DCLK1: variants seen among roughly 807,000 people sequenced by gnomAD.
The protein encoded by DCLK1 is serine/threonine-protein kinase DCLK1.
DCLK1 carries 16 observed loss-of-function variants against 86.2 expected under a neutral mutation model. The observed-to-expected ratio is 0.19, with a 90% CI of 0.13 to 0.28. DCLK1 has a LOEUF of 0.28. Among genes scored for constraint, DCLK1 ranks in the 10% least tolerant of loss-of-function variants. DCLK1 has a pLI of 1.00. For missense variants in DCLK1, 590 were observed against 940.2 expected, an observed-to-expected ratio of 0.63 and a Z score of 4.87; for synonymous variants, 369 against 370.5, an observed-to-expected ratio of 1.00 and a Z score of 0.05.
chr13:35,773,735 C>T lies in DCLK1; in HGVS notation c.*800G>A, dbSNP rs780120326. The stretch of plus-strand genomic sequence containing the variant: ...CACTGAGTAGAGAGACCCTCACTCA[C>T]CAAGCACAAGACAAGCTGTGGTGAC... On this transcript the variant is annotated 3_prime_UTR_variant, in exon 17 of 17. Coordinates refer to ENST00000360631, the MANE Select transcript of DCLK1 (RefSeq NM_001330071.2). 6.6e-6 allele frequency: 1 copy of T among 152,482 alleles called. No individual in the cohort carries two copies. The highest frequency in any genetic ancestry group is 2.4e-5 in the African/African-American group (1 of 41,394). 9.4% of individuals were successfully genotyped at this position (152,482 alleles called of 1,614,324 possible).
chr13:36,080,212 G>A (rs1220712381), intron 3 of DCLK1, among the ~76,000 whole-genome samples: 1 of 152,170 alleles, frequency 6.6e-6, no homozygotes, highest in Non-Finnish European at 1.5e-5. Flanking sequence ...TGAGAAAGGA[G>A]AGCAAGGCCT....
At chr13:36,024,565 G>C (rs1188469736) in intron 3 of DCLK1, among the ~76,000 whole-genome samples, 2 of 152,166 alleles carry the variant, frequency 1.3e-5, no homozygotes, top group African/African-American at 4.8e-5. Context: ...ATAAAACATT[G>C]TTGAAAGAAA....
At chr13:35,875,248 T>C (rs1389762851) in intron 4 of DCLK1, among the ~76,000 whole-genome samples, 1 of 152,208 alleles carries the variant, frequency 6.6e-6, no homozygotes, top group Non-Finnish European at 1.5e-5. Context: ...TTATGAACAT[T>C]CAGAGGTCAC....
intron 10 of DCLK1, among the ~76,000 whole-genome samples, chr13:35,826,556 A>AAGGAGGGAGGGAGGG (rs1868476343): frequency 9.7e-6 from 1 of 103,440 alleles, no homozygotes. Context: ...AGAAAGAAAG[A>AAGGAGGGAGGGAGGG]AAGAAACAAG....
At chr13:36,000,697 C>T (rs905838789) in intron 3 of DCLK1, among the ~76,000 whole-genome samples, 2 of 152,050 alleles carry the variant, frequency 1.3e-5, no homozygotes, top group Non-Finnish European at 2.9e-5. Context: ...CAAGAATAAT[C>T]ACAACCTGTT....
intron 3 of DCLK1, among the ~76,000 whole-genome samples, chr13:35,960,418 G>C (rs933045558): frequency 6.6e-6 from 1 of 152,168 alleles, no homozygotes; most frequent in Non-Finnish European, 1.5e-5. Flanking sequence ...CAGCAATCTG[G>C]GGAAAAGGGG....
At chr13:35,952,076 C>T (rs546440446) in intron 3 of DCLK1, among the ~76,000 whole-genome samples, 45 of 152,204 alleles carry the variant, frequency 3.0e-4, no homozygotes, top group South Asian at 2.9e-3. Context: ...TGAGTTAAGA[C>T]GATGAATCCA....
chr13:35,984,181 T>G (rs923142555), intron 3 of DCLK1, among the ~76,000 whole-genome samples: 1 of 152,230 alleles, frequency 6.6e-6, no homozygotes, highest in African/African-American at 2.4e-5. Flanking sequence ...TTTTGTTTGC[T>G]TGACCCCTAG....
At chr13:35,843,521 T>A (rs1869969476) in intron 6 of DCLK1, among the ~76,000 whole-genome samples, 2 of 152,240 alleles carry the variant, frequency 1.3e-5, no homozygotes, top group South Asian at 4.1e-4. Context: ...AAGATGTATC[T>A]GATGACTGTG....
At chr13:35,923,476 T>C (rs1472499494) in intron 4 of DCLK1, among the ~76,000 whole-genome samples, 1 of 151,638 alleles carries the variant, frequency 6.6e-6, no homozygotes, top group Non-Finnish European at 1.5e-5. Flanking sequence ...TAGGGAACAT[T>C]GTTAAGGAGG....
intron 2 of DCLK1, among the ~76,000 whole-genome samples, chr13:36,114,904 G>A (rs1433420445): frequency 6.6e-6 from 1 of 152,178 alleles, no homozygotes; most frequent in Non-Finnish European, 1.5e-5. Flanking sequence ...CTTCCTTAGT[G>A]TGACTGAGAG....
At chr13:35,923,348 A>T (rs931068949) in intron 4 of DCLK1, among the ~76,000 whole-genome samples, 9 of 151,234 alleles carry the variant, frequency 6.0e-5, no homozygotes, top group Admixed American at 4.0e-4. Context: ...TCTGGAGCAC[A>T]GTCCAAGATG....
At chr13:35,938,258 T>G (rs891385724) in intron 4 of DCLK1, among the ~76,000 whole-genome samples, 6 of 152,068 alleles carry the variant, frequency 3.9e-5, no homozygotes, top group Non-Finnish European at 5.9e-5. Context: ...TGGGTGGTAT[T>G]TGTTACTCTG....
intron 11 of DCLK1, among the ~76,000 whole-genome samples, chr13:35,814,023 A>T (rs2087211164): frequency 6.6e-6 from 1 of 152,040 alleles, no homozygotes; most frequent in East Asian, 1.9e-4. Flanking sequence ...TGGGAGGAGG[A>T]TGGAGAAGAA....
rs1361109167 is a variant in DCLK1, at chr13:35,783,660, A to G, written c.2059-8961T>C. On this transcript the variant is annotated intron_variant, in intron 16 of 16. Coordinates refer to ENST00000360631, the MANE Select transcript of DCLK1 (RefSeq NM_001330071.2). ...GAGTGCAGTGGTGTGATCTCGGCTCATTGCATTTCCGCCTCCCGGGCCCAA... is the reference window on the plus strand; with the variant it reads ...GAGTGCAGTGGTGTGATCTCGGCTCGTTGCATTTCCGCCTCCCGGGCCCAA... Among the ~76,000 whole-genome samples the G allele has an allele frequency of 4.0e-5, 6 of 150,686 alleles. No homozygotes were observed. In the East Asian group the frequency reaches 1.2e-3, roughly 30 times the overall value.
chr13:35,810,693 A>G (rs1429057386), intron 12 of DCLK1, 142 bp downstream of exon 12: 5 of 1,123,014 alleles, frequency 4.5e-6, no homozygotes, highest in Non-Finnish European at 6.1e-6. Flanking sequence ...ATGTTAAAGA[A>G]TAAAATACAA....
chr13:35,944,639 C>T (rs1256942617), intron 4 of DCLK1, among the ~76,000 whole-genome samples: 1 of 152,124 alleles, frequency 6.6e-6, no homozygotes, highest in Non-Finnish European at 1.5e-5. Context: ...GAGCCCCTTT[C>T]CTTCCATATC....
At chr13:36,099,793 T>A (rs186383164) in intron 3 of DCLK1, among the ~76,000 whole-genome samples, 7 of 152,224 alleles carry the variant, frequency 4.6e-5, no homozygotes, top group Admixed American at 1.3e-4. Flanking sequence ...TTGTAACAGG[T>A]CTTTGTTTTT....
chr13:36,104,031 C>A (rs184051296), intron 3 of DCLK1, among the ~76,000 whole-genome samples: 1 of 152,194 alleles, frequency 6.6e-6, no homozygotes, highest in African/African-American at 2.4e-5. Context: ...TTGGCAGATG[C>A]GTTCTTTTTA....
Sources: gnomAD v4.1 joint callset for allele counts (sites outside exome capture counted in the v4.1 genomes callset) on GRCh38, gnomAD v4.1.1 for gene constraint, MANE v1.5 for transcripts, NCBI Gene and HGNC (gene_info 2026-07-23, HGNC 2026-07-21) for gene names.